The following FLACC1 variants were observed in gnomAD, a reference collection of about 807,000 sequenced individuals.
FLACC1 encodes flagellum associated containing coiled-coil domains 1.
In FLACC1, 66 loss-of-function variants were observed where a neutral mutation model predicts 62.8. The observed-to-expected ratio is 1.05, with a 90% CI of 0.86 to 1.29. The LOEUF is 1.29. Among genes scored for constraint, FLACC1 ranks in the 50% most tolerant of loss-of-function variants. FLACC1 has a pLI of 0.00. For missense variants in FLACC1, 452 were observed against 489.1 expected, an observed-to-expected ratio of 0.92 and a Z score of 0.71; for synonymous variants, 156 against 161.0, an observed-to-expected ratio of 0.97 and a Z score of 0.24.
At chr2:201,297,848 G>A (rs1284064474) in intron 12 of FLACC1, among the ~76,000 whole-genome samples, 2 of 152,076 alleles carry the variant, frequency 1.3e-5, no homozygotes, top group Non-Finnish European at 2.9e-5. Context: ...GGCAGGGAGC[G>A]GAGCCCTTAA....
In FLACC1 at chr2:201,346,580, C is replaced by T. The variant is rs761146840; in HGVS notation, c.330G>A (p.Arg110=). The change falls in exon 5 of 15, where the codon CGG becomes CGA. Residue 110 remains arginine, a synonymous_variant. Transcript: ENST00000392257. The surrounding 1 kb of genome is among the most constrained non-coding windows in gnomAD (Gnocchi z 4.0). ...CTTTGTCCGGGATCTCCGATTCCCACCGCTTTTTCCTATCAAACATCTCAT... is the reference window on the plus strand; with the variant it reads ...CTTTGTCCGGGATCTCCGATTCCCATCGCTTTTTCCTATCAAACATCTCAT... ...LGDEMFDRKK[R]WESEIPDKGR... The T allele has an allele frequency of 1.3e-5, 21 of 1,614,014 alleles. No homozygotes were observed. The highest frequency in any genetic ancestry group is 1.8e-5 in the Non-Finnish European group (21 of 1,180,010).
At chr2:201,351,599 A>G in intron 1 of FLACC1, 148 bp from the exon 2 acceptor site, 3 of 585,262 alleles carry the variant, frequency 5.1e-6, no homozygotes, top group Non-Finnish European at 9.1e-6. Context: ...ACTATAGGTT[A>G]ACAGCTCATC....
intron 1 of FLACC1, among the ~76,000 whole-genome samples, chr2:201,354,272 C>T (rs1309650068): frequency 6.6e-6 from 1 of 152,130 alleles, no homozygotes; most frequent in African/African-American, 2.4e-5. Flanking sequence ...GCTGGTTGGA[C>T]CTTGCCCTCA....
intron 9 of FLACC1, among the ~76,000 whole-genome samples, chr2:201,315,653 A>G (rs1950295018): frequency 6.6e-6 from 1 of 152,240 alleles, no homozygotes; most frequent in South Asian, 2.1e-4. Flanking sequence ...TCAAGAAGAC[A>G]GAAAGTTAAC....
chr2:201,301,033 AAT>A (rs2125548701), intron 11 of FLACC1, among the ~76,000 whole-genome samples: 1 of 152,346 alleles, frequency 6.6e-6, no homozygotes, highest in South Asian at 2.1e-4. Flanking sequence ...CCTCCAAAGG[AAT>A]GCAGCTCCTC....
chr2:201,288,553 A>T lies in FLACC1; in HGVS notation c.*102T>A. On this transcript the variant is annotated 3_prime_UTR_variant, in exon 15 of 15. Transcript: ENST00000392257. ...GAGAGTCAGAGCAACCCAAGAACTA[A>T]ACTCATTATATGCATTTTCTCAAGA... is the stretch of plus-strand genomic sequence containing the variant. 1 of 1,408,774 alleles carries T rather than the reference A, an allele frequency of 7.1e-7. No individual in the cohort carries two copies. Among genetic ancestry groups the T allele is most frequent in the Non-Finnish European group, 9.6e-7 (1 of 1,037,654 alleles). 87.3% of individuals were successfully genotyped at this position (1,408,774 alleles called of 1,614,324 possible).
In FLACC1 at chr2:201,346,758, C is replaced by T; in HGVS notation, c.235-83G>A. The T allele has an allele frequency of 1.9e-6, 3 of 1,569,040 alleles. No homozygotes were observed. In the South Asian group the frequency reaches 3.4e-5, roughly 18 times the overall value. ...AAATCTTCTCTTATTGCCTCACTCACATCTTAAAAACAGGGACCTGGGACT... is the reference window on the plus strand; with the variant it reads ...AAATCTTCTCTTATTGCCTCACTCATATCTTAAAAACAGGGACCTGGGACT... On this transcript the variant is annotated intron_variant, in intron 4 of 14. Coordinates refer to ENST00000392257, the MANE Select transcript of FLACC1 (RefSeq NM_001127391.3). This position sits in a 1 kb window ranked among gnomAD's most constrained non-coding sequence, Gnocchi z 4.0.
At chr2:201,350,600 G>A in intron 3 of FLACC1, 111 bp downstream of exon 3, 1 of 882,902 alleles carries the variant, frequency 1.1e-6, no homozygotes, top group South Asian at 1.7e-5. Flanking sequence ...AGAATCGCTT[G>A]AGACTGGGAG....
chr2:201,329,658 G>A (rs1950555230), intron 9 of FLACC1, among the ~76,000 whole-genome samples: 1 of 152,164 alleles, frequency 6.6e-6, no homozygotes, highest in Non-Finnish European at 1.5e-5. Flanking sequence ...GATGGCTCTA[G>A]AGGCTATTAT....
chr2:201,322,025 T>C (rs776317595), intron 9 of FLACC1, among the ~76,000 whole-genome samples: 1 of 151,924 alleles, frequency 6.6e-6, no homozygotes, highest in Non-Finnish European at 1.5e-5. Flanking sequence ...TCCCAAAACT[T>C]TGGGAGGCTG....
Position 201,351,436 on chromosome 2 carries a change from G to T in FLACC1, c.-32C>A. On this transcript the variant is annotated 5_prime_UTR_variant, in exon 2 of 15. Transcript: ENST00000392257. ...AGGTCAGGGGGAGTCTTGGCTGCTA[G>T]ATCAGGAGGCTCTTGCTGAAATTGA... 1 of 1,500,400 alleles carries T rather than the reference G, an allele frequency of 6.7e-7. No individual in the cohort carries two copies. The highest frequency in any genetic ancestry group is 9.3e-7 in the Non-Finnish European group (1 of 1,079,356). The allele number at this position is 1,500,400 out of a possible 1,614,324, so 92.9% of individuals were successfully genotyped here.
rs1489884037 is a variant in FLACC1 at position 201,346,146 on chromosome 2, C to T, written c.368+396G>A. ...TGCCACTAAACTCCAGCCTGGGTGG[C>T]AGAGAGAGACTCTGTCTCAAAAAAA... On this transcript the variant is annotated intron_variant, in intron 5 of 14. Coordinates refer to ENST00000392257, the MANE Select transcript of FLACC1 (RefSeq NM_001127391.3). This position sits in a 1 kb window ranked among gnomAD's most constrained non-coding sequence, Gnocchi z 4.0. Among the ~76,000 whole-genome samples, 1 of 151,962 alleles carries T rather than the reference C, an allele frequency of 6.6e-6. No homozygotes were observed. The highest frequency in any genetic ancestry group is 1.5e-5 in the Non-Finnish European group (1 of 67,984).
intron 9 of FLACC1, among the ~76,000 whole-genome samples, chr2:201,319,740 G>C (rs1950368406): frequency 6.6e-6 from 1 of 152,188 alleles, no homozygotes; most frequent in Non-Finnish European, 1.5e-5. Flanking sequence ...AAGTTTGTTT[G>C]TGTTTTTCCA....
At chr2:201,352,770 G>A (rs1951052143) in intron 1 of FLACC1, among the ~76,000 whole-genome samples, 1 of 152,206 alleles carries the variant, frequency 6.6e-6, no homozygotes, top group Non-Finnish European at 1.5e-5. Context: ...CCTGGAAAGT[G>A]TGACTATGTT....
chr2:201,309,675 G>A (rs749204531), intron 9 of FLACC1, among the ~76,000 whole-genome samples: 7 of 151,912 alleles, frequency 4.6e-5, no homozygotes, highest in Non-Finnish European at 8.8e-5. Flanking sequence ...TTGGGAGGTG[G>A]AGGCAGGCAG....
At chr2:201,325,021 C>T (rs1950476552) in intron 9 of FLACC1, among the ~76,000 whole-genome samples, 1 of 152,066 alleles carries the variant, frequency 6.6e-6, no homozygotes, top group African/African-American at 2.4e-5. Flanking sequence ...TCAGTCTCAG[C>T]TACTTGGGAG....
intron 12 of FLACC1, among the ~76,000 whole-genome samples, chr2:201,291,601 T>G (rs181796371): frequency 1.3e-3 from 205 of 152,080 alleles, no homozygotes; most frequent in African/African-American, 4.8e-3. Flanking sequence ...AAACTGAAAA[T>G]TCTAAAAATC....
At chr2:201,350,614 G>C (rs1951006874) in intron 3 of FLACC1, 97 bp downstream of exon 3, 1 of 1,013,328 alleles carries the variant, frequency 9.9e-7, no homozygotes, top group Admixed American at 2.2e-5. Context: ...CTGGGAGGCA[G>C]AGGTTGCAGT....
Position 201,346,746 on chromosome 2 carries a change from T to C in FLACC1, c.235-71A>G. 1 of 1,591,426 alleles carries C rather than the reference T, an allele frequency of 6.3e-7. No homozygotes were observed. The highest frequency in any genetic ancestry group is 2.2e-5 in the East Asian group (1 of 44,782). ...TGAGATTTTTCCAAATCTTCTCTTA[T>C]TGCCTCACTCACATCTTAAAAACAG... is the stretch of plus-strand genomic sequence containing the variant. On this transcript the variant is annotated intron_variant, in intron 4 of 14. Coordinates refer to ENST00000392257, the MANE Select transcript of FLACC1 (RefSeq NM_001127391.3). The surrounding 1 kb of genome is among the most constrained non-coding windows in gnomAD (Gnocchi z 4.0).
Sources: allele counts gnomAD v4.1 joint callset (sites outside exome capture counted in the v4.1 genomes callset), GRCh38; gene constraint gnomAD v4.1.1; non-coding constraint Gnocchi (gnomAD v3.1); transcripts MANE v1.5; gene names NCBI Gene and HGNC (gene_info 2026-07-23, HGNC 2026-07-21).